Variants in PCDH9 observed in about 807,000 individuals in gnomAD.
PCDH9 encodes protocadherin-9.
PCDH9 carries 24 observed loss-of-function variants against 70.6 expected under a neutral mutation model. The ratio of observed to expected loss-of-function variants is 0.34; its 90% CI spans 0.25 to 0.48. The LOEUF is 0.48. Among genes scored for constraint, PCDH9 ranks in the 20% least tolerant of loss-of-function variants. The pLI is 0.99. For missense variants in PCDH9, 1,281 were observed against 1,503.6 expected (o/e 0.85, Z 2.45); for synonymous variants, 562 against 558.5 (o/e 1.01, Z -0.09).
chr13:66,941,897 G>T (rs1279197243), intron 2 of PCDH9, among the ~76,000 whole-genome samples: 1 of 151,876 alleles, frequency 6.6e-6, no homozygotes, highest in African/African-American at 2.4e-5. Context: ...CCTGGGAAGT[G>T]TACAAAGATA....
At chr13:66,496,450 C>G (rs1347647406) in intron 4 of PCDH9, among the ~76,000 whole-genome samples, 3 of 152,274 alleles carry the variant, frequency 2.0e-5, no homozygotes, top group Admixed American at 1.3e-4. Context: ...TTCCTCCTCT[C>G]AAGGTTGACA....
intron 3 of PCDH9, among the ~76,000 whole-genome samples, chr13:66,684,553 G>A (rs1191523635): frequency 5.3e-5 from 8 of 152,062 alleles, no homozygotes; most frequent in Admixed American, 4.6e-4. Flanking sequence ...TTTTATAAGG[G>A]GCTTTCCCCC....
intron 3 of PCDH9, among the ~76,000 whole-genome samples, chr13:66,829,577 A>G (rs1249525859): frequency 6.6e-6 from 1 of 151,926 alleles, no homozygotes; most frequent in African/African-American, 2.4e-5. Flanking sequence ...TTTATAAATT[A>G]TTTCTCAATC....
At chr13:66,930,945 T>G (rs2082797571) in intron 2 of PCDH9, among the ~76,000 whole-genome samples, 2 of 152,164 alleles carry the variant, frequency 1.3e-5, no homozygotes, top group Non-Finnish European at 2.9e-5. Flanking sequence ...ACCAGAAGCC[T>G]TTTAAGGTTC....
At chr13:67,196,929 T>G (rs2089080453) in intron 2 of PCDH9, among the ~76,000 whole-genome samples, 1 of 151,920 alleles carries the variant, frequency 6.6e-6, no homozygotes, top group African/African-American at 2.4e-5. Context: ...AAAAAAGAAA[T>G]GTACTCTTTT....
chr13:66,324,553 A>G (rs1285279801), intron 4 of PCDH9, among the ~76,000 whole-genome samples: 1 of 152,064 alleles, frequency 6.6e-6, no homozygotes, highest in Non-Finnish European at 1.5e-5. Flanking sequence ...GGTAATTACA[A>G]CAAGCATGAC....
chr13:67,083,630 A>G (rs2086032512), intron 2 of PCDH9, among the ~76,000 whole-genome samples: 1 of 152,156 alleles, frequency 6.6e-6, no homozygotes, highest in African/African-American at 2.4e-5. Flanking sequence ...ATTGACGTGA[A>G]AATGGTCAAC....
At chr13:67,087,674 T>C (rs1334606408) in intron 2 of PCDH9, among the ~76,000 whole-genome samples, 1 of 152,050 alleles carries the variant, frequency 6.6e-6, no homozygotes, top group Non-Finnish European at 1.5e-5. Flanking sequence ...ACACTTTACT[T>C]ATACAACACA....
chr13:66,430,071 A>G (rs1374570976), intron 4 of PCDH9, among the ~76,000 whole-genome samples: 1 of 152,072 alleles, frequency 6.6e-6, no homozygotes, highest in Non-Finnish European at 1.5e-5. Flanking sequence ...TTTCAAGTCA[A>G]AGTTTCTTCT....
intron 3 of PCDH9, among the ~76,000 whole-genome samples, chr13:66,899,948 A>C (rs1044705911): frequency 6.6e-6 from 1 of 151,968 alleles, no homozygotes; most frequent in African/African-American, 2.4e-5. Context: ...TTGTGTTTGA[A>C]GGTAAAGTCT....
At chr13:66,473,462 T>C (rs1294055030) in intron 4 of PCDH9, among the ~76,000 whole-genome samples, 8 of 152,110 alleles carry the variant, frequency 5.3e-5, no homozygotes, top group Admixed American at 3.3e-4. Flanking sequence ...TATGCTAGAA[T>C]TATTACAATA....
intron 3 of PCDH9, among the ~76,000 whole-genome samples, chr13:66,640,971 G>C (rs1050203834): frequency 2.0e-5 from 3 of 152,018 alleles, no homozygotes; most frequent in African/African-American, 7.3e-5. Flanking sequence ...TGCCTCCCGG[G>C]TTCGAGCAAT....
intron 4 of PCDH9, among the ~76,000 whole-genome samples, chr13:66,457,155 C>T (rs1182767494): frequency 6.6e-6 from 1 of 151,820 alleles, no homozygotes; most frequent in African/African-American, 2.4e-5. Flanking sequence ...TCAGTGGTTG[C>T]CAACAACAAA....
In PCDH9 at chr13:66,449,350, C is replaced by A. The variant is rs1421295364; in HGVS notation, c.3341-144322G>T. The stretch of plus-strand genomic sequence containing the variant: ...AAGTGATTACTTAGTCTTTTTTGTT[C>A]ATTTCTCATTATAACGTCTTCCTGT... On this transcript the variant is annotated intron_variant, in intron 4 of 4. Coordinates refer to ENST00000377865, the MANE Select transcript of PCDH9 (RefSeq NM_203487.3). 5.3e-5 allele frequency among the ~76,000 whole-genome samples: 8 copies of A among 151,982 alleles called. No individual in the cohort carries two copies. In the South Asian group the frequency reaches 8.3e-4, roughly 16 times the overall value.
intron 3 of PCDH9, among the ~76,000 whole-genome samples, chr13:66,786,853 TA>T (rs779988165): frequency 1.8e-4 from 27 of 151,888 alleles, no homozygotes; most frequent in Non-Finnish European, 1.0e-4. Flanking sequence ...AGAAAGGAGA[TA>T]AAAAAATTCT....
intron 2 of PCDH9, among the ~76,000 whole-genome samples, chr13:67,074,033 T>TATCTATC (rs2085822893): frequency 9.7e-6 from 1 of 103,522 alleles, no homozygotes; most frequent in South Asian, 3.6e-4. Context: ...GATGAAATTC[T>TATCTATC]ATCTATCTAT....
intron 3 of PCDH9, among the ~76,000 whole-genome samples, chr13:66,818,937 A>AAAAAACC (rs1555271997): frequency 2.0e-5 from 3 of 146,496 alleles, no homozygotes; most frequent in African/African-American, 5.1e-5. Flanking sequence ...CCCGTCTCAA[A>AAAAAACC]AAAAAACAAA....
At chr13:66,483,891 C>A (rs557901336) in intron 4 of PCDH9, among the ~76,000 whole-genome samples, 1 of 152,060 alleles carries the variant, frequency 6.6e-6, no homozygotes, top group Non-Finnish European at 1.5e-5. Context: ...GGCTGGACAT[C>A]GAGAGAAGCA....
At chr13:66,563,654 T>C (rs1407565993) in intron 4 of PCDH9, among the ~76,000 whole-genome samples, 1 of 152,188 alleles carries the variant, frequency 6.6e-6, no homozygotes, top group East Asian at 1.9e-4. Context: ...TAGTTTTCCA[T>C]ATTTTCTGCA....
Sources: gnomAD v4.1 joint callset for allele counts (sites outside exome capture counted in the v4.1 genomes callset) on GRCh38, gnomAD v4.1.1 for gene constraint, MANE v1.5 for transcripts, NCBI Gene and HGNC (gene_info 2026-07-23, HGNC 2026-07-21) for gene names.